Variants in CLSPN observed in about 807,000 individuals in gnomAD.
CLSPN encodes claspin homolog.
CLSPN carries 85 observed loss-of-function variants against 156.3 expected under a neutral mutation model. The observed-to-expected ratio is 0.54, with a 90% CI of 0.46 to 0.65. CLSPN has a LOEUF of 0.65. Ranked by LOEUF, CLSPN falls within the 30% of genes least tolerant of loss-of-function variation. The pLI, the probability that CLSPN is intolerant of heterozygous loss-of-function variation, is 0.00. For missense variants in CLSPN, 1,407 were observed against 1,554.9 expected, an observed-to-expected ratio of 0.90 and a Z score of 1.60; for synonymous variants, 534 against 542.4, an observed-to-expected ratio of 0.98 and a Z score of 0.22.
intron 8 of CLSPN, among the ~76,000 whole-genome samples, chr1:35,758,208 G>C (rs1642343970): frequency 6.7e-6 from 1 of 148,850 alleles, no homozygotes; most frequent in African/African-American, 2.5e-5. Flanking sequence ...GTCTCGTTCT[G>C]TCTCCCAGAC....
intron 1 of CLSPN, among the ~76,000 whole-genome samples, chr1:35,769,492 G>A (rs1182506799): frequency 1.3e-5 from 2 of 152,224 alleles, no homozygotes; most frequent in African/African-American, 2.4e-5. Context: ...AGAGCCTCCC[G>A]GCTTTCAGAG....
At chr1:35,755,370 A>T (rs1399165763) in intron 8 of CLSPN, among the ~76,000 whole-genome samples, 1 of 151,360 alleles carries the variant, frequency 6.6e-6, no homozygotes, top group Admixed American at 6.6e-5. Context: ...GGGTTCAAGC[A>T]ATTCTCCTGC....
chr1:35,738,641 A>G, intron 20 of CLSPN, 59 bp from the exon 21 acceptor site: 1 of 1,571,314 alleles, frequency 6.4e-7, no homozygotes, highest in Non-Finnish European at 8.7e-7. Flanking sequence ...GGGTGCTTGG[A>G]CAGACAAAAA....
In CLSPN at chr1:35,734,139, C is replaced by G. The variant is rs966882886; in HGVS notation, c.*2357G>C. 1 of 985,232 alleles carries G rather than the reference C, an allele frequency of 1.0e-6. No homozygotes were observed. Among genetic ancestry groups the G allele is most frequent in the African/African-American group, 1.7e-5 (1 of 57,204 alleles). 61.0% of individuals were successfully genotyped at this position (985,232 alleles called of 1,614,324 possible). A position where few individuals can be genotyped will look rare whatever the true frequency, so the allele number is the denominator to read the frequency against. Reference sequence around the variant, plus strand: ...TGAGGGGACAATTGCAGCAGCTTCTCAGTTTAGACCCAGAGGGTTTCCCTG... The same window carrying G: ...TGAGGGGACAATTGCAGCAGCTTCTGAGTTTAGACCCAGAGGGTTTCCCTG... On this transcript the variant is annotated 3_prime_UTR_variant, in exon 25 of 25. Transcript: ENST00000318121.
intron 24 of CLSPN, among the ~76,000 whole-genome samples, chr1:35,724,860 C>T (rs1169956189): frequency 6.6e-6 from 1 of 152,078 alleles, no homozygotes; most frequent in African/African-American, 2.4e-5. Flanking sequence ...TTTGTTCATC[C>T]ATTTCTCTAC....
At chr1:35,766,522 G>A (rs1276593300) in intron 1 of CLSPN, among the ~76,000 whole-genome samples, 2 of 151,716 alleles carry the variant, frequency 1.3e-5, no homozygotes, top group African/African-American at 2.4e-5. Context: ...TCGGCTCACC[G>A]CAACCTCTGC....
Position 35,748,047 on chromosome 1 carries a change from CAG to C in CLSPN, c.2485_2486del (p.Leu829ValfsTer2). The part of the protein sequence containing the change: ...VSSASKSSGK[L>X]SEPSLPIEDS... ...CCTCTATGGGAAGTGAAGGCTCAGA[CAG>C]TTTCCCTGAACTCTGGCACACAAAC... On this transcript the variant is annotated frameshift_variant, in exon 14 of 25. Coordinates refer to ENST00000318121, the MANE Select transcript of CLSPN (RefSeq NM_022111.4). LOFTEE classifies it high-confidence loss of function. The C allele has an allele frequency of 6.2e-7, 1 of 1,610,022 alleles. No individual in the cohort carries two copies. Among genetic ancestry groups the C allele is most frequent in the Non-Finnish European group, 8.5e-7 (1 of 1,178,960 alleles).
intron 15 of CLSPN, among the ~76,000 whole-genome samples, chr1:35,745,918 T>C (rs891712126): frequency 3.9e-5 from 6 of 152,162 alleles, no homozygotes; most frequent in Non-Finnish European, 7.3e-5. Flanking sequence ...ATAAATGATA[T>C]ATGGGCAAAG....
At position 35,742,642 on chromosome 1, in the gene CLSPN, G is replaced by A. The variant is rs112792627; in HGVS notation, c.3143+499C>T. Among the ~76,000 whole-genome samples the A allele has an allele frequency of 1.8e-3, 270 of 152,030 alleles. 2 individuals are homozygous for A. Among genetic ancestry groups the A allele is most frequent in the African/African-American group, 6.2e-3 (259 of 41,458 alleles). On this transcript the variant is annotated intron_variant, in intron 18 of 24. Coordinates refer to ENST00000318121, the MANE Select transcript of CLSPN (RefSeq NM_022111.4). ...AATATGCCTGCCTTGGCCTCCCAAA[G>A]TGCTGGGATTACAGGCGTGAGCCAC...
At chr1:35,720,812 A>G in exon 25 of CLSPN, 1 of 1,002,908 alleles carries the variant, frequency 1.0e-6, no homozygotes, top group Non-Finnish European at 1.5e-6. Context: ...CCCAGACCAC[A>G]GAGCCATAAA....
intron 18 of CLSPN, among the ~76,000 whole-genome samples, chr1:35,740,920 G>A (rs540138728): frequency 2.6e-5 from 4 of 152,224 alleles, no homozygotes; most frequent in African/African-American, 9.6e-5. Context: ...AAAATCTATG[G>A]ATAACCTAAA....
Position 35,734,929 on chromosome 1 carries a change from AGCTTGTG to A in CLSPN, c.*1560_*1566del. 5.1e-6 allele frequency: 5 copies of A among 985,442 alleles called. No homozygotes were observed. The highest frequency in any genetic ancestry group is 5.2e-4 in the Middle Eastern group (1 of 1,914). The allele number at this position is 985,442 out of a possible 1,614,324, so 61.0% of individuals were successfully genotyped here. On this transcript the variant is annotated 3_prime_UTR_variant, in exon 25 of 25. Coordinates refer to ENST00000318121, the MANE Select transcript of CLSPN (RefSeq NM_022111.4). Reference sequence around the variant, plus strand: ...AAAACATTTGTCTAAAATTCTGAGAAGCTTGTGGTAGTTCAGGGAAAATGGAGAATGA... The same window carrying A: ...AAAACATTTGTCTAAAATTCTGAGAAGTAGTTCAGGGAAAATGGAGAATGA...
intron 8 of CLSPN, among the ~76,000 whole-genome samples, chr1:35,760,085 G>T (rs1476230940): frequency 6.6e-6 from 1 of 152,160 alleles, no homozygotes; most frequent in African/African-American, 2.4e-5. Flanking sequence ...GCCCGCCTTG[G>T]CCTCCCAAAG....
In CLSPN at chr1:35,736,561, G is replaced by T; in HGVS notation, c.3955C>A (p.His1319Asn). 1 of 1,612,632 alleles carries T rather than the reference G, an allele frequency of 6.2e-7. No homozygotes were observed. Residue 1319 changes from histidine to asparagine, a missense_variant, in exon 25 of 25, where the codon CAC becomes AAC. Around this residue, in one of 3 missense-constraint regions of CLSPN, gnomAD observed 241 missense variants for 240.5 expected, o/e 1.00. Coordinates refer to ENST00000318121, the MANE Select transcript of CLSPN (RefSeq NM_022111.4). ...GAAGTGCTATCATCTGTTTTGAGGT[G>T]CTTAGGTGAAGGAGAAGTCATGAAA... ...PSFMTSPSPK[H>N]LKTDDSTSGL... is the part of the protein sequence containing the mutation.
In CLSPN at chr1:35,737,051, G is replaced by A. The variant is rs745965240; in HGVS notation, c.3772C>T (p.Gln1258Ter). 1 of 1,614,074 alleles carries A rather than the reference G, an allele frequency of 6.2e-7. No individual in the cohort carries two copies. Among genetic ancestry groups the A allele is most frequent in the Non-Finnish European group, 8.5e-7 (1 of 1,180,004 alleles). Residue 1258 changes from glutamine to a stop codon, truncating the protein, a stop_gained, in exon 24 of 25, where the codon CAG becomes TAG. Coordinates refer to ENST00000318121, the MANE Select transcript of CLSPN (RefSeq NM_022111.4). LOFTEE classifies it high-confidence loss of function. ...QQVKTGSLLN[Q>*]PKAVLQKLAA... ...AGTTTCTGAAGCACAGCTTTGGGCT[G>A]GTTTAGCAGTGAGCCTGTCTTCACC... is the stretch of plus-strand genomic sequence containing the variant.
Position 35,733,865 on chromosome 1 carries a change from C to T in CLSPN, c.*2631G>A, listed in dbSNP as rs1641381692. The T allele has an allele frequency of 1.9e-6, 1 of 537,760 alleles. No homozygotes were observed. 33.3% of individuals were successfully genotyped at this position (537,760 alleles called of 1,614,324 possible). Reference sequence around the variant, plus strand: ...GGTGGCATATGCCTGTAATGTGGCCCAGCTATTCCAAAGGTTGAGGAAGGA... The same window carrying T: ...GGTGGCATATGCCTGTAATGTGGCCTAGCTATTCCAAAGGTTGAGGAAGGA... On this transcript the variant is annotated 3_prime_UTR_variant, in exon 25 of 25. Transcript: ENST00000318121.
Position 35,726,152 on chromosome 1 carries a change from CAAAAA to C in CLSPN, c.3910-5177_3910-5173del, listed in dbSNP as rs3041363. Among the ~76,000 whole-genome samples the C allele has an allele frequency of 2.4e-3, 116 of 48,204 alleles. 1 individual carries two copies. In the South Asian group the frequency reaches 0.071, roughly 30 times the overall value. The allele number at this position is 48,204 out of a possible 152,430, so 31.6% of individuals were successfully genotyped here. A position where few individuals can be genotyped will look rare whatever the true frequency, so the allele number is the denominator to read the frequency against. ...ACACACCCATAGAAACAGATGCAGA[CAAAAA>C]AAAAAAAAAAAAAAAAAAGCGCATA... On this transcript the variant is annotated intron_variant, in intron 24 of 24. Coordinates refer to the CLSPN transcript ENST00000251195.
intron 9 of CLSPN, among the ~76,000 whole-genome samples, chr1:35,753,326 A>G (rs1322992164): frequency 2.6e-5 from 4 of 152,088 alleles, no homozygotes; most frequent in Non-Finnish European, 5.9e-5. Context: ...CCTGAGCTCA[A>G]CAGATCCTCC....
In CLSPN at chr1:35,761,121, G is replaced by A. The variant is rs374467995; in HGVS notation, c.979C>T (p.His327Tyr). The change falls in exon 7 of 25, where the codon CAC becomes TAC. Residue 327 changes from histidine (H) to tyrosine (Y), a missense_variant. By Grantham distance (83) the His-to-Tyr change is moderately conservative. This residue lies in a region of CLSPN where 1,096 missense variants were observed against 1,193.0 expected (regional missense o/e 0.92). Transcript: ENST00000318121. Reference protein sequence around the residue: ...FFKRKPRPTCHGNAMALLKSS... With the variant: ...FFKRKPRPTCYGNAMALLKSS... ...TTCAATAGTGCCATGGCATTTCCGT[G>A]GCAAGTGGGCCGGGGTTTACGTTTG... 4 of 1,612,078 alleles carry A rather than the reference G, an allele frequency of 2.5e-6. No homozygotes were observed. The African/African-American group carries it at 5.3e-5, about 22-fold the overall frequency.
Sources: allele counts gnomAD v4.1 joint callset (sites outside exome capture counted in the v4.1 genomes callset), GRCh38; gene constraint gnomAD v4.1.1; regional missense constraint gnomAD v4.1.1; transcripts MANE v1.5; gene names NCBI Gene and HGNC (gene_info 2026-07-23, HGNC 2026-07-21).